The following PTH2R variants were observed in gnomAD, a reference collection of about 807,000 sequenced individuals.
PTH2R encodes the protein parathyroid hormone 2 receptor.
In PTH2R, 59 loss-of-function variants were observed where a neutral mutation model predicts 60.3. The ratio of observed to expected loss-of-function variants is 0.98; its 90% CI spans 0.79 to 1.22. The LOEUF is 1.22. Among genes scored for constraint, PTH2R ranks in the 50% most tolerant of loss-of-function variants. The probability of loss-of-function intolerance (pLI) is 0.00; values close to 1 mark genes in which losing one functional copy is unlikely to be tolerated. For synonymous variants in PTH2R, 256 were observed against 243.8 expected (o/e 1.05, Z -0.47); for missense variants, 749 against 682.6 (o/e 1.10, Z -1.08).
chr2:208,437,875 A>C lies in PTH2R; in HGVS notation c.405A>C (p.Ile135=), dbSNP rs1702107825. 6.2e-7 allele frequency: 1 copy of C among 1,611,686 alleles called. No homozygotes were observed. Among genetic ancestry groups the C allele is most frequent in the African/African-American group, 1.3e-5 (1 of 74,906 alleles). The change falls in exon 4 of 13, where the codon ATA becomes ATC. Residue 135 remains isoleucine (I), a synonymous_variant. Coordinates refer to ENST00000272847, the MANE Select transcript of PTH2R (RefSeq NM_005048.4). The part of the protein sequence containing the change: ...CLRFLQPDIS[I]GKQEFFERLY... Reference sequence around the variant, plus strand: ...GCTTTCTGCAGCCAGATATCAGCATAGGAAAGGTAATGGAATTTCTCTATT... The same window carrying C: ...GCTTTCTGCAGCCAGATATCAGCATCGGAAAGGTAATGGAATTTCTCTATT...
chr2:208,432,799 A>G (rs1354086349), intron 2 of PTH2R, among the ~76,000 whole-genome samples: 5 of 152,180 alleles, frequency 3.3e-5, no homozygotes, highest in Non-Finnish European at 7.4e-5. Flanking sequence ...AATGGATGGA[A>G]GCATCCAGCA....
At chr2:208,463,156 G>GACC (rs1331021477) in intron 9 of PTH2R, among the ~76,000 whole-genome samples, 1 of 152,094 alleles carries the variant, frequency 6.6e-6, no homozygotes, top group Non-Finnish European at 1.5e-5. Context: ...TCATTTCCAT[G>GACC]ACCTGGTCCC....
chr2:208,406,878 G>C lies in PTH2R; in HGVS notation c.-166G>C. 1 of 463,498 alleles carries C rather than the reference G, an allele frequency of 2.2e-6. No homozygotes were observed. Among genetic ancestry groups the C allele is most frequent in the Non-Finnish European group, 3.7e-6 (1 of 269,656 alleles). 28.7% of individuals were successfully genotyped at this position (463,498 alleles called of 1,614,324 possible). ...CGGGTTCTGAGAAGCGCGTGGCTCC[G>C]GCGACAAGACCCCAAGCACCCTCGG... On this transcript the variant is annotated 5_prime_UTR_variant, in exon 1 of 13. Coordinates refer to ENST00000272847, the MANE Select transcript of PTH2R (RefSeq NM_005048.4).
intron 1 of PTH2R, among the ~76,000 whole-genome samples, chr2:208,365,500 TG>T (rs1700561141): frequency 6.6e-6 from 1 of 152,200 alleles, no homozygotes; most frequent in African/African-American, 2.4e-5. Flanking sequence ...TTTCATATGT[TG>T]AACCATCCTT....
At chr2:208,366,614 C>T (rs1489050969) in intron 1 of PTH2R, among the ~76,000 whole-genome samples, 3 of 152,194 alleles carry the variant, frequency 2.0e-5, no homozygotes, top group African/African-American at 7.2e-5. Flanking sequence ...TCATCCTTAC[C>T]TCAATCCCTG....
chr2:208,388,138 C>CCT (rs1017501087), intron 1 of PTH2R, among the ~76,000 whole-genome samples: 1 of 149,454 alleles, frequency 6.7e-6, no homozygotes, highest in Non-Finnish European at 1.5e-5. Flanking sequence ...TGAAACCCCC[C>CCT]CCCCCGTCTC....
In PTH2R at chr2:208,481,146, A is replaced by T. The variant is rs1175825000; in HGVS notation, c.1058A>T (p.Asp353Val). ...KIWETNAVGHDTRKQYRKLAK... is the reference protein window; with the variant it reads ...KIWETNAVGHVTRKQYRKLAK... Reference sequence around the variant, plus strand: ...TGGGAGACCAATGCAGTTGGGCATGACACAAGGAAGCAATACAGGTAATTT... The same window carrying T: ...TGGGAGACCAATGCAGTTGGGCATGTCACAAGGAAGCAATACAGGTAATTT... The change falls in exon 10 of 13, where the codon GAC becomes GTC. Residue 353 changes from aspartate (D) to valine (V), a missense_variant. Asp to Val is a radical substitution (Grantham distance 152, BLOSUM62 -3). Transcript: ENST00000272847. 3 of 1,609,008 alleles carry T rather than the reference A, an allele frequency of 1.9e-6. No individual in the cohort carries two copies. The Admixed American group carries it at 5.0e-5, about 27-fold the overall frequency.
intron 1 of PTH2R, 133 bp from the exon 2 acceptor site, chr2:208,428,068 C>T: frequency 1.7e-6 from 1 of 592,444 alleles, no homozygotes; most frequent in South Asian, 3.2e-5. Flanking sequence ...AATTTTGATT[C>T]AGATAAAGGA....
At position 208,481,117 on chromosome 2, in the gene PTH2R, A is replaced by G; in HGVS notation, c.1029A>G (p.Lys343=). 1 of 1,612,608 alleles carries G rather than the reference A, an allele frequency of 6.2e-7. No individual in the cohort carries two copies. ...FLNTVRVLAT[K]IWETNAVGHD... is the part of the protein sequence containing the mutation. ...ATACGGTTAGAGTTCTAGCTACCAA[A>G]ATCTGGGAGACCAATGCAGTTGGGC... is the stretch of plus-strand genomic sequence containing the variant. The change falls in exon 10 of 13, where the codon AAA becomes AAG. Residue 343 remains lysine (K), a synonymous_variant. Coordinates refer to ENST00000272847, the MANE Select transcript of PTH2R (RefSeq NM_005048.4).
At chr2:208,470,410 T>C (rs1241950965) in intron 9 of PTH2R, among the ~76,000 whole-genome samples, 2 of 152,166 alleles carry the variant, frequency 1.3e-5, no homozygotes, top group Admixed American at 6.5e-5. Context: ...AGATCTCATC[T>C]TGAATTTCCA....
At chr2:208,456,997 G>A (rs941199884) in intron 8 of PTH2R, among the ~76,000 whole-genome samples, 3 of 152,126 alleles carry the variant, frequency 2.0e-5, no homozygotes, top group African/African-American at 7.2e-5. Context: ...GCATTTTATA[G>A]AGCCTGAATT....
intron 4 of PTH2R, among the ~76,000 whole-genome samples, chr2:208,439,268 T>C (rs1263676562): frequency 6.6e-6 from 1 of 152,102 alleles, no homozygotes; most frequent in Non-Finnish European, 1.5e-5. Flanking sequence ...TATATACTAG[T>C]TTATGTAAAA....
chr2:208,399,853 T>G (rs1701275294), intron 1 of PTH2R, among the ~76,000 whole-genome samples: 1 of 152,174 alleles, frequency 6.6e-6, no homozygotes, highest in African/African-American at 2.4e-5. Flanking sequence ...CCAAGAGATT[T>G]ATTTGAGGTT....
At chr2:208,420,819 C>T (rs539785294) in intron 1 of PTH2R, among the ~76,000 whole-genome samples, 134 of 152,136 alleles carry the variant, frequency 8.8e-4, no homozygotes, top group African/African-American at 3.1e-3. Flanking sequence ...TGTGTGTGTG[C>T]ACATGTATTT....
intron 5 of PTH2R, among the ~76,000 whole-genome samples, chr2:208,443,116 G>A (rs186113356): frequency 1.3e-3 from 202 of 152,260 alleles, no homozygotes; most frequent in African/African-American, 4.8e-3. Context: ...GGTATTATAA[G>A]TAATCTAGGG....
At chr2:208,434,011 C>A (rs555842753) in intron 2 of PTH2R, among the ~76,000 whole-genome samples, 6 of 152,170 alleles carry the variant, frequency 3.9e-5, no homozygotes, top group Non-Finnish European at 8.8e-5. Context: ...GGAGAGAATG[C>A]TAGTTAAGAC....
chr2:208,434,150 C>T (rs766063173), intron 2 of PTH2R, among the ~76,000 whole-genome samples: 1 of 152,064 alleles, frequency 6.6e-6, no homozygotes, highest in East Asian at 1.9e-4. Flanking sequence ...CCTATCTCTA[C>T]TAAAAATACA....
intron 1 of PTH2R, among the ~76,000 whole-genome samples, chr2:208,407,779 G>T (rs1037209440): frequency 1.3e-5 from 2 of 152,088 alleles, no homozygotes; most frequent in Non-Finnish European, 1.5e-5. Flanking sequence ...TCAAATGTAG[G>T]GTTTACAGTC....
chr2:208,427,527 G>T (rs951447684), intron 1 of PTH2R, among the ~76,000 whole-genome samples: 2 of 152,000 alleles, frequency 1.3e-5, no homozygotes, highest in Non-Finnish European at 2.9e-5. Flanking sequence ...TATGGGCATT[G>T]AGCTATGAAT....
Sources: allele counts gnomAD v4.1 joint callset (sites outside exome capture counted in the v4.1 genomes callset), GRCh38; gene constraint gnomAD v4.1.1; transcripts MANE v1.5; gene names NCBI Gene and HGNC (gene_info 2026-07-23, HGNC 2026-07-21).